Variants in C4orf50 observed in about 807,000 individuals in gnomAD.
C4orf50 encodes the protein chromosome 4 open reading frame 50, also known as uncharacterized protein C4orf50.
Under a neutral mutation model 77.2 loss-of-function variants are expected in C4orf50, and 80 were observed. That is an observed-to-expected ratio of 1.04 (90% confidence interval 0.87 to 1.25). The LOEUF is 1.25. Among genes scored for constraint, C4orf50 ranks in the 50% most tolerant of loss-of-function variants. The pLI is 0.00. For missense variants in C4orf50, 1,257 were observed against 1,152.9 expected (o/e 1.09, Z -1.31); for synonymous variants, 532 against 465.3 (o/e 1.14, Z -1.84).
At chr4:5,931,518 C>T (rs1329874797) in intron 7 of C4orf50, among the ~76,000 whole-genome samples, 6 of 152,170 alleles carry the variant, frequency 3.9e-5, no homozygotes, top group African/African-American at 1.2e-4. Context: ...TCCCCAAGGT[C>T]ATGCAGCCCT....
chr4:6,004,511 GGCA>G, intron 25 of C4orf50, among the ~76,000 whole-genome samples: 1 of 10,058 alleles, frequency 9.9e-5, no homozygotes. Context: ...GGAGGAGGGT[GGCA>G]ATGGTGATGG....
chr4:5,898,372 G>A (rs974702930), intron 7 of C4orf50: 1 of 152,234 alleles, frequency 6.6e-6, no homozygotes, highest in Admixed American at 6.5e-5. Context: ...TCAAAGGGGT[G>A]AGGGAAGGCT....
chr4:6,010,734 C>A (rs1722460979), intron 24 of C4orf50, among the ~76,000 whole-genome samples: 1 of 152,220 alleles, frequency 6.6e-6, no homozygotes, highest in Admixed American at 6.5e-5. Context: ...GTGGTGCATG[C>A]AGCTACCGTG....
chr4:6,010,203 A>G (rs905482364), intron 24 of C4orf50, among the ~76,000 whole-genome samples: 1 of 152,128 alleles, frequency 6.6e-6, no homozygotes, highest in African/African-American at 2.4e-5. Flanking sequence ...GTGGCAGAGG[A>G]GTCCCACTCA....
At chr4:6,002,842 C>T (rs1027539178) in intron 25 of C4orf50, among the ~76,000 whole-genome samples, 6 of 152,240 alleles carry the variant, frequency 3.9e-5, no homozygotes, top group Admixed American at 2.0e-4. Flanking sequence ...GGCCTCACTC[C>T]TTGGTTGTGT....
chr4:5,910,293 C>G (rs775991984), intron 7 of C4orf50, among the ~76,000 whole-genome samples: 1 of 152,164 alleles, frequency 6.6e-6, no homozygotes, highest in African/African-American at 2.4e-5. Flanking sequence ...GTGATTTTTA[C>G]GGAATGCAAC....
intron 7 of C4orf50, among the ~76,000 whole-genome samples, chr4:5,906,807 T>A (rs1560535305): frequency 6.6e-6 from 1 of 152,222 alleles, no homozygotes; most frequent in East Asian, 1.9e-4. Flanking sequence ...TATCTGTAGG[T>A]ACACAGCTTC....
intron 7 of C4orf50, chr4:5,903,773 T>TA (rs1716432908): frequency 6.6e-6 from 1 of 152,210 alleles, no homozygotes; most frequent in Non-Finnish European, 1.5e-5. Context: ...AATGGATACT[T>TA]AAAAATGATT....
chr4:5,936,422 C>T (rs917271215), intron 7 of C4orf50, among the ~76,000 whole-genome samples: 8 of 151,820 alleles, frequency 5.3e-5, no homozygotes, highest in East Asian at 1.9e-4. Flanking sequence ...ATTATCCAGT[C>T]GTGGTGGCGG....
At chr4:5,933,655 A>G (rs1717865529) in intron 7 of C4orf50, among the ~76,000 whole-genome samples, 1 of 152,172 alleles carries the variant, frequency 6.6e-6, no homozygotes, top group South Asian at 2.1e-4. Flanking sequence ...TTAGGGGCGT[A>G]CTCAGCAGGA....
rs1031025390 is a variant in C4orf50, at chr4:5,916,303, T to C, written c.*2475-18115A>G. On this transcript the variant is annotated intron_variant, in intron 7 of 7. Transcript: ENST00000324058. The surrounding 1 kb of genome is among the most constrained non-coding windows in gnomAD (Gnocchi z 4.4). ...AATGAAGAATTCCCATTGCCTTGCC[T>C]GGATTTTTTGTCTGGGTGTTGACCA... Among the ~76,000 whole-genome samples, 2 of 152,144 alleles carry C rather than the reference T, an allele frequency of 1.3e-5. No homozygotes were observed. The highest frequency in any genetic ancestry group is 2.9e-5 in the Non-Finnish European group (2 of 68,024).
intron 7 of C4orf50, among the ~76,000 whole-genome samples, chr4:5,930,663 G>A (rs1717726374): frequency 6.6e-6 from 1 of 152,228 alleles, no homozygotes; most frequent in African/African-American, 2.4e-5. Context: ...CCCGCCCTGG[G>A]TGGGTCTGCT....
rs143669729 is a variant in C4orf50, at chr4:5,991,260, T to C, written c.1222-436A>G. On this transcript the variant is annotated intron_variant, in intron 27 of 33. Coordinates refer to ENST00000531445, the Ensembl canonical transcript of C4orf50. ...CTAGTCATAGGCCACATGGAGCTCC[T>C]AAAATGTAAAGTAATTAAATCAAGG... Among the ~76,000 whole-genome samples, 1,069 of 152,334 alleles carry C rather than the reference T, an allele frequency of 7.0e-3. 5 individuals carry two copies. The highest frequency in any genetic ancestry group is 0.024 in the Middle Eastern group (7 of 294).
chr4:5,988,723 C>T lies in C4orf50; in HGVS notation c.3323G>A (p.Ser1108Asn), dbSNP rs551148061. 6.5e-6 allele frequency: 10 copies of T among 1,536,144 alleles called. No homozygotes were observed. The East Asian group carries it at 2.2e-4, about 34-fold the overall frequency. The change falls in exon 28 of 34, where the codon AGC becomes AAC. Residue 1108 changes from serine to asparagine, a missense_variant. Coordinates refer to ENST00000531445, the Ensembl canonical transcript of C4orf50. The stretch of plus-strand genomic sequence containing the variant: ...CCTCACCAAACGCCCCTGATCCGTG[C>T]TCCTCTGCAAGGTGACTTCCCTCTC...
chr4:6,012,260 A>C (rs1722524191), intron 23 of C4orf50, among the ~76,000 whole-genome samples: 1 of 152,136 alleles, frequency 6.6e-6, no homozygotes, highest in Non-Finnish European at 1.5e-5. Context: ...AGAGCACCTG[A>C]GCTTGAGTCA....
chr4:5,952,834 C>T (rs965405581), downstream of C4orf50, among the ~76,000 whole-genome samples: 5 of 152,196 alleles, frequency 3.3e-5, no homozygotes, highest in Non-Finnish European at 2.9e-5. The surrounding 1 kb of genome is among the most constrained non-coding windows in gnomAD (Gnocchi z 4.4). Flanking sequence ...GACACTCCCG[C>T]CTCCAAGAAC....
At chr4:5,914,125 A>C (rs1716927688) in intron 7 of C4orf50, among the ~76,000 whole-genome samples, 1 of 151,584 alleles carries the variant, frequency 6.6e-6, no homozygotes, top group African/African-American at 2.4e-5. Context: ...GATTATGAAT[A>C]TTGTATGGAA....
At chr4:5,982,031 A>T (rs1205016524) in intron 28 of C4orf50, among the ~76,000 whole-genome samples, 1 of 152,180 alleles carries the variant, frequency 6.6e-6, no homozygotes, top group Non-Finnish European at 1.5e-5. Flanking sequence ...CTCATAATAA[A>T]ATATACAATA....
At chr4:5,898,468 C>A (rs1428993670) in intron 7 of C4orf50, 1 of 152,166 alleles carries the variant, frequency 6.6e-6, no homozygotes, top group Non-Finnish European at 1.5e-5. Flanking sequence ...CCATGGAGGA[C>A]TTTGAGGTTA....
Sources: gnomAD v4.1 joint callset for allele counts (sites outside exome capture counted in the v4.1 genomes callset) on GRCh38, gnomAD v4.1.1 for gene constraint, Gnocchi (gnomAD v3.1) non-coding constraint, MANE v1.5 for transcripts, NCBI Gene and HGNC (gene_info 2026-07-23, HGNC 2026-07-21) for gene names.